The following AOAH variants were observed in gnomAD, a reference collection of about 807,000 sequenced individuals.
AOAH encodes acyloxyacyl hydrolase, also known as acyloxyacyl hydrolase (neutrophil).
In AOAH, 64 loss-of-function variants were observed where a neutral mutation model predicts 92.2. The ratio of observed to expected loss-of-function variants is 0.69; its 90% CI spans 0.57 to 0.86. The LOEUF (loss-of-function observed/expected upper bound fraction) is 0.86, where lower values mean the gene tolerates loss of function less well. Among genes scored for constraint, AOAH ranks in the 40% least tolerant of loss-of-function variants. The pLI is 0.00. For missense variants in AOAH, 656 were observed against 694.6 expected, an observed-to-expected ratio of 0.94 and a Z score of 0.62; for synonymous variants, 263 against 254.5, an observed-to-expected ratio of 1.03 and a Z score of -0.32.
intron 4 of AOAH, among the ~76,000 whole-genome samples, chr7:36,658,499 C>T (rs1045425031): frequency 2.0e-5 from 3 of 152,114 alleles, no homozygotes; most frequent in African/African-American, 7.2e-5. Context: ...TTTGCAGCCT[C>T]CTCTCCGCAA....
At chr7:36,684,906 CAAAAAAAAAAAAAAAA>C (rs57827044) in intron 2 of AOAH, among the ~76,000 whole-genome samples, 1 of 59,988 alleles carries the variant, frequency 1.7e-5, no homozygotes, top group Non-Finnish European at 2.9e-5. Flanking sequence ...GACCTTGTCT[CAAAAAAAAAAAAAAAA>C]AAAAAAAAAA....
intron 9 of AOAH, among the ~76,000 whole-genome samples, chr7:36,620,043 G>A (rs1583962333): frequency 6.6e-6 from 1 of 152,004 alleles, no homozygotes. Context: ...CATGTAAACA[G>A]TTCTGGTAAA....
At chr7:36,619,201 C>A (rs778268571) in intron 9 of AOAH, among the ~76,000 whole-genome samples, 2 of 152,174 alleles carry the variant, frequency 1.3e-5, no homozygotes, top group Non-Finnish European at 2.9e-5. Context: ...ACCCTGGGGT[C>A]CCTGGGACAC....
intron 6 of AOAH, among the ~76,000 whole-genome samples, chr7:36,628,026 G>A (rs1247680042): frequency 2.0e-5 from 3 of 152,116 alleles, no homozygotes; most frequent in East Asian, 3.9e-4. Flanking sequence ...TGCGTATGTG[G>A]GTGGATGTGT....
intron 20 of AOAH, among the ~76,000 whole-genome samples, chr7:36,515,848 A>C (rs1341718833): frequency 2.8e-5 from 3 of 108,228 alleles, no homozygotes; most frequent in South Asian, 3.2e-4. Flanking sequence ...TACGTCACAC[A>C]CCCCCCACAT....
chr7:36,571,127 C>T lies in AOAH; in HGVS notation c.1021+5447G>A, dbSNP rs148242261. On this transcript the variant is annotated intron_variant, in intron 13 of 20. Coordinates refer to ENST00000617537, the MANE Select transcript of AOAH (RefSeq NM_001637.4). Reference sequence around the variant, plus strand: ...CAGGACAGGGAGGGATGAATAAAGTCTAGTATTTACTGAGTCCTCGCTGAG... The same window carrying T: ...CAGGACAGGGAGGGATGAATAAAGTTTAGTATTTACTGAGTCCTCGCTGAG... Among the ~76,000 whole-genome samples the T allele has an allele frequency of 7.9e-5, 12 of 152,256 alleles. No individual in the cohort carries two copies. In the East Asian group the frequency reaches 1.7e-3, roughly 22 times the overall value.
chr7:36,716,970 TAATAAATAAATAAATAAATA>T (rs200867596), intron 1 of AOAH, among the ~76,000 whole-genome samples: 44 of 142,812 alleles, frequency 3.1e-4, no homozygotes, highest in Admixed American at 1.3e-3. Context: ...ACTTAAAGTA[TAATAAATAAATAAATAAATA>T]AATAAATAAA....
At chr7:36,659,412 G>A (rs1795071032) in intron 3 of AOAH, 147 bp from the exon 4 acceptor site, 1 of 646,332 alleles carries the variant, frequency 1.5e-6, no homozygotes, top group East Asian at 2.8e-5. Flanking sequence ...ATCCCGGGGA[G>A]CTGCTGGATG....
At position 36,618,275 on chromosome 7, in the gene AOAH, C is replaced by A. The variant is rs759089638; in HGVS notation, c.751+22G>T. ...AAAAGAATATCTATCATTATAACCA[C>A]AATGACATCCACAATTCATACCTTC... On this transcript the variant is annotated intron_variant, in intron 10 of 20. Coordinates refer to ENST00000617537, the MANE Select transcript of AOAH (RefSeq NM_001637.4). 6 of 1,601,636 alleles carry A rather than the reference C, an allele frequency of 3.7e-6. No homozygotes were observed. In the South Asian group the frequency reaches 6.6e-5, roughly 18 times the overall value.
intron 1 of AOAH, among the ~76,000 whole-genome samples, chr7:36,699,151 G>A (rs149656916): frequency 1.5e-3 from 224 of 151,980 alleles, no homozygotes; most frequent in African/African-American, 5.2e-3. Context: ...TCTTTATTGC[G>A]GTGGAATAAT....
chr7:36,652,022 C>T (rs1044314518), intron 4 of AOAH, among the ~76,000 whole-genome samples: 3 of 152,114 alleles, frequency 2.0e-5, no homozygotes, highest in African/African-American at 7.2e-5. Context: ...AATGACATCC[C>T]AGTAGCAATG....
At chr7:36,607,715 T>C (rs1791111572) in intron 11 of AOAH, among the ~76,000 whole-genome samples, 1 of 152,208 alleles carries the variant, frequency 6.6e-6, no homozygotes. Context: ...TTGAGGCTGA[T>C]TATCTGCACC....
intron 13 of AOAH, among the ~76,000 whole-genome samples, chr7:36,567,214 A>T (rs1362565514): frequency 6.6e-6 from 1 of 152,216 alleles, no homozygotes; most frequent in Non-Finnish European, 1.5e-5. Context: ...CTGAGGAGGC[A>T]AGAATTGAGG....
chr7:36,636,081 G>A (rs1793501920), intron 5 of AOAH, among the ~76,000 whole-genome samples: 1 of 152,186 alleles, frequency 6.6e-6, no homozygotes, highest in Non-Finnish European at 1.5e-5. Context: ...GGAACCTACT[G>A]AGTGCAGCTT....
chr7:36,696,465 A>G (rs1246208601), intron 1 of AOAH, among the ~76,000 whole-genome samples: 3 of 152,306 alleles, frequency 2.0e-5, no homozygotes, highest in Non-Finnish European at 2.9e-5. Flanking sequence ...TTCAGTGTAG[A>G]GTAATAGCGT....
At chr7:36,722,989 T>C (rs1424738997) in intron 1 of AOAH, among the ~76,000 whole-genome samples, 1 of 138,394 alleles carries the variant, frequency 7.2e-6, no homozygotes, top group African/African-American at 2.6e-5. Flanking sequence ...ATGCATCTCC[T>C]AACATGTACA....
chr7:36,610,077 A>AGAT (rs1791324070), intron 11 of AOAH, among the ~76,000 whole-genome samples: 1 of 150,298 alleles, frequency 6.7e-6, no homozygotes, highest in Non-Finnish European at 1.5e-5. Flanking sequence ...GAGATTCTGT[A>AGAT]GATAATAGTT....
intron 11 of AOAH, among the ~76,000 whole-genome samples, chr7:36,610,512 A>T (rs5017993): frequency 0.12 from 4,417 of 36,026 alleles, 123 homozygotes; most frequent in Admixed American, 0.27. Context: ...TTTTTTTTTT[A>T]AAAAAAAAGA....
intron 4 of AOAH, among the ~76,000 whole-genome samples, chr7:36,649,210 A>T (rs974035526): frequency 6.6e-6 from 1 of 152,318 alleles, no homozygotes; most frequent in East Asian, 1.9e-4. Context: ...TGCCTCTCAC[A>T]GGTAGGACAG....
Sources: gnomAD v4.1 joint callset for allele counts (sites outside exome capture counted in the v4.1 genomes callset) on GRCh38, gnomAD v4.1.1 for gene constraint, MANE v1.5 for transcripts, NCBI Gene and HGNC (gene_info 2026-07-23, HGNC 2026-07-21) for gene names.